The following ADAM9 variants were observed in gnomAD, a reference collection of about 807,000 sequenced individuals.
The protein encoded by ADAM9 is ADAM metallopeptidase domain 9, also known as disintegrin and metalloproteinase domain-containing protein 9.
A neutral mutation model predicts 108.1 loss-of-function variants in ADAM9; 54 were observed. The observed-to-expected ratio is 0.50, with a 90% CI of 0.40 to 0.63. ADAM9 has a LOEUF of 0.63. Among genes scored for constraint, ADAM9 ranks in the 20% least tolerant of loss-of-function variants. ADAM9 has a pLI of 0.00. For synonymous variants in ADAM9, 316 were observed against 336.0 expected, an observed-to-expected ratio of 0.94 and a Z score of 0.65; for missense variants, 830 against 997.7, an observed-to-expected ratio of 0.83 and a Z score of 2.26.
At chr8:39,103,474 T>C (rs1839763597) in intron 21 of ADAM9, 133 bp from the exon 22 acceptor site, 10 of 863,532 alleles carry the variant, frequency 1.2e-5, no homozygotes, top group Non-Finnish European at 1.9e-5. Context: ...ACCCTAATAC[T>C]GATCTCAGAA....
intron 8 of ADAM9, among the ~76,000 whole-genome samples, chr8:39,022,064 TTG>T (rs552684363): frequency 0.048 from 6,747 of 141,300 alleles, 318 homozygotes; most frequent in African/African-American, 0.12. Context: ...ATGACAATAT[TTG>T]TGTGTGTGTG....
intron 20 of ADAM9, among the ~76,000 whole-genome samples, chr8:39,095,444 T>C (rs1389190034): frequency 1.3e-5 from 2 of 152,236 alleles, no homozygotes; most frequent in African/African-American, 4.8e-5. Context: ...TTTGTGACTT[T>C]CCTAAATTTC....
intron 11 of ADAM9, among the ~76,000 whole-genome samples, chr8:39,037,693 A>G (rs1031861587): frequency 7.2e-5 from 11 of 152,236 alleles, no homozygotes; most frequent in Non-Finnish European, 1.5e-4. Flanking sequence ...TTGGGATTAC[A>G]TTATTAAATA....
intron 20 of ADAM9, among the ~76,000 whole-genome samples, chr8:39,098,299 C>T (rs934398131): frequency 1.3e-5 from 2 of 152,082 alleles, no homozygotes; most frequent in Non-Finnish European, 2.9e-5. Flanking sequence ...AATAGACTTC[C>T]GGAGTTGATT....
At chr8:39,086,213 C>T (rs2129442748) in intron 18 of ADAM9, among the ~76,000 whole-genome samples, 1 of 152,180 alleles carries the variant, frequency 6.6e-6, no homozygotes, top group African/African-American at 2.4e-5. Flanking sequence ...CAGGGTTTTA[C>T]GCTGTTGGCC....
chr8:39,025,708 G>A lies in ADAM9; in HGVS notation c.915-95G>A, dbSNP rs114687105. ...TGCCATTTTCCTGCCATGTTTTGTA[G>A]GTTCTCCCAATCCAGTTGAGATTAT... On this transcript the variant is annotated intron_variant, in intron 9 of 21. Coordinates refer to ENST00000487273, the MANE Select transcript of ADAM9 (RefSeq NM_003816.3). The A allele has an allele frequency of 1.7e-4, 204 of 1,195,530 alleles. No individual in the cohort carries two copies. In the African/African-American group the frequency reaches 2.6e-3, roughly 15 times the overall value. The allele number at this position is 1,195,530 out of a possible 1,614,324, so 74.1% of individuals were successfully genotyped here. A position where few individuals can be genotyped will look rare whatever the true frequency, so the allele number is the denominator to read the frequency against.
Position 39,054,581 on chromosome 8 carries a change from A to AT in ADAM9, c.1395+10dup. 1 of 1,379,664 alleles carries AT rather than the reference A, an allele frequency of 7.2e-7. No individual in the cohort carries two copies. Among genetic ancestry groups the AT allele is most frequent in the South Asian group, 1.2e-5 (1 of 84,846 alleles). The allele number at this position is 1,379,664 out of a possible 1,614,324, so 85.5% of individuals were successfully genotyped here. On this transcript the variant is annotated intron_variant, in intron 13 of 21. Transcript: ENST00000487273. ...TGTTGTAAAGACTGTCGGGTAAGGA[A>AT]TTCCTCCCTTTTGGAAACAGGAAAA...
At position 39,000,674 on chromosome 8, in the gene ADAM9, C is replaced by G. The variant is rs1564211148; in HGVS notation, c.97+3514C>G. Among the ~76,000 whole-genome samples the G allele has an allele frequency of 5.3e-5, 8 of 151,976 alleles. No individual in the cohort carries two copies. In the South Asian group the frequency reaches 1.7e-3, roughly 32 times the overall value. ...TGGAGAGGCAATCTTGCTCTGTTGC[C>G]CAGGCTGGTCTCGAACTCCTGGGCT... is the stretch of plus-strand genomic sequence containing the variant. On this transcript the variant is annotated intron_variant, in intron 1 of 21. Transcript: ENST00000487273.
At chr8:38,998,322 G>A (rs2129430533) in intron 1 of ADAM9, among the ~76,000 whole-genome samples, 1 of 152,304 alleles carries the variant, frequency 6.6e-6, no homozygotes, top group South Asian at 2.1e-4. Flanking sequence ...TTTTCCGGTG[G>A]TATTCTAGAT....
At chr8:39,071,463 A>AACT in intron 15 of ADAM9, 60 bp downstream of exon 15, 1 of 797,764 alleles carries the variant, frequency 1.3e-6, no homozygotes, top group Non-Finnish European at 1.9e-6. Flanking sequence ...CATCTCTAGT[A>AACT]TCTTTTTTTT....
At chr8:39,019,026 T>C in intron 7 of ADAM9, 108 bp downstream of exon 7, 1 of 1,113,740 alleles carries the variant, frequency 9.0e-7, no homozygotes, top group East Asian at 2.5e-5. Context: ...TTTACTTAAA[T>C]AATGATTTTA....
chr8:39,077,115 G>A, intron 15 of ADAM9, 113 bp from the exon 16 acceptor site: 1 of 1,178,680 alleles, frequency 8.5e-7, no homozygotes, highest in Admixed American at 1.8e-5. Flanking sequence ...CACTTTCTCT[G>A]TTGAGATTCC....
At chr8:39,066,337 A>G (rs1385722464) in intron 14 of ADAM9, among the ~76,000 whole-genome samples, 1 of 152,258 alleles carries the variant, frequency 6.6e-6, no homozygotes, top group Non-Finnish European at 1.5e-5. Context: ...ACTGTCTTCC[A>G]CAATGGTTGA....
chr8:39,021,771 A>G lies in ADAM9; in HGVS notation c.744+57A>G, dbSNP rs553725103. 57 of 1,475,220 alleles carry G rather than the reference A, an allele frequency of 3.9e-5. No individual in the cohort carries two copies. The African/African-American group carries it at 7.5e-4, about 19-fold the overall frequency. The allele number at this position is 1,475,220 out of a possible 1,614,324, so 91.4% of individuals were successfully genotyped here. ...TCTGTCCTATTCTTTCAGTCCCAGAACAGAACTTAAAAATGTCTCATTTTG... is the reference window on the plus strand; with the variant it reads ...TCTGTCCTATTCTTTCAGTCCCAGAGCAGAACTTAAAAATGTCTCATTTTG... On this transcript the variant is annotated intron_variant, in intron 8 of 21. Transcript: ENST00000487273.
At chr8:39,006,809 A>G (rs1327644606) in intron 1 of ADAM9, among the ~76,000 whole-genome samples, 1 of 152,152 alleles carries the variant, frequency 6.6e-6, no homozygotes, top group Non-Finnish European at 1.5e-5. Flanking sequence ...GTTAGTCTGC[A>G]TGACTTTCAG....
Position 39,105,015 on chromosome 8 carries a change from A to G in ADAM9, c.*1315A>G, listed in dbSNP as rs368428256. ...CTTGAAATTCTCTTTTGTGTCTCCT[A>G]GTAGCTTCCTACTCAACTATTTATA... On this transcript the variant is annotated 3_prime_UTR_variant, in exon 22 of 22. Coordinates refer to ENST00000487273, the MANE Select transcript of ADAM9 (RefSeq NM_003816.3). 15 of 425,854 alleles carry G rather than the reference A, an allele frequency of 3.5e-5. No individual in the cohort carries two copies. The East Asian group carries it at 3.5e-4, about 10-fold the overall frequency. 26.4% of individuals were successfully genotyped at this position (425,854 alleles called of 1,614,324 possible).
At chr8:38,998,026 T>C (rs563774772) in intron 1 of ADAM9, among the ~76,000 whole-genome samples, 1 of 152,332 alleles carries the variant, frequency 6.6e-6, no homozygotes, top group Admixed American at 6.5e-5. Flanking sequence ...GTTGTTTATT[T>C]TGGATTTTGT....
intron 11 of ADAM9, among the ~76,000 whole-genome samples, chr8:39,040,546 A>G (rs1046416177): frequency 7.9e-5 from 12 of 152,160 alleles, no homozygotes; most frequent in Admixed American, 2.0e-4. Flanking sequence ...TTTTTCTACT[A>G]TGGAGTTGTG....
chr8:39,060,465 ATTTT>A (rs1838264275), intron 14 of ADAM9, among the ~76,000 whole-genome samples: 1 of 152,098 alleles, frequency 6.6e-6, no homozygotes, highest in Non-Finnish European at 1.5e-5. Context: ...AATGAGGAAT[ATTTT>A]GCCTTCAGAA....
Sources: allele counts gnomAD v4.1 joint callset (sites outside exome capture counted in the v4.1 genomes callset), GRCh38; gene constraint gnomAD v4.1.1; transcripts MANE v1.5; gene names NCBI Gene and HGNC (gene_info 2026-07-23, HGNC 2026-07-21).